The following FDX1 variants were observed in gnomAD, a reference collection of about 807,000 sequenced individuals.
The protein encoded by FDX1 is ferredoxin 1.
A neutral mutation model predicts 14.9 loss-of-function variants in FDX1; 9 were observed. The ratio of observed to expected loss-of-function variants is 0.60; its 90% CI spans 0.36 to 1.05. FDX1 has a LOEUF of 1.05. Among genes scored for constraint, FDX1 ranks in the 50% least tolerant of loss-of-function variants. The pLI, the probability that FDX1 is intolerant of heterozygous loss-of-function variation, is 0.01. For synonymous variants in FDX1, 92 were observed against 99.4 expected, an observed-to-expected ratio of 0.93 and a Z score of 0.44; for missense variants, 204 against 237.2, an observed-to-expected ratio of 0.86 and a Z score of 0.92.
At chr11:110,435,445 G>A (rs115849521) in intron 1 of FDX1, among the ~76,000 whole-genome samples, 2,866 of 152,336 alleles carry the variant, frequency 0.019, 75 homozygotes, top group African/African-American at 0.061. Flanking sequence ...CCACCAGGTG[G>A]CGTTGACCAG....
At chr11:110,460,008 A>G (rs1333976114) in intron 3 of FDX1, among the ~76,000 whole-genome samples, 3 of 152,318 alleles carry the variant, frequency 2.0e-5, no homozygotes, top group Non-Finnish European at 4.4e-5. Flanking sequence ...TTACTAAAGT[A>G]ACCGTTCCTT....
At chr11:110,447,425 G>A (rs1425452720) in intron 2 of FDX1, among the ~76,000 whole-genome samples, 1 of 152,026 alleles carries the variant, frequency 6.6e-6, no homozygotes, top group Non-Finnish European at 1.5e-5. Context: ...CTGTACTCCA[G>A]TCTGGCAGCA....
Position 110,431,813 on chromosome 11 carries a change from C to G in FDX1, c.185+1508C>G, listed in dbSNP as rs1946333939. On this transcript the variant is annotated intron_variant, in intron 1 of 3. Coordinates refer to ENST00000260270, the MANE Select transcript of FDX1 (RefSeq NM_004109.5). The stretch of plus-strand genomic sequence containing the variant: ...GTCTATTTCCTCATAATCCTGCTGC[C>G]CTCTTTATTGGCACAATTTCTATTC... Among the ~76,000 whole-genome samples, 3 of 152,086 alleles carry G rather than the reference C, an allele frequency of 2.0e-5. No individual in the cohort carries two copies. The South Asian group carries it at 6.2e-4, about 32-fold the overall frequency.
intron 1 of FDX1, 134 bp downstream of exon 1, chr11:110,430,439 C>A (rs187021002): frequency 1.9e-6 from 1 of 516,132 alleles, no homozygotes; most frequent in Non-Finnish European, 2.8e-6. Flanking sequence ...CTGCCTCTCG[C>A]CCCCCTCTTC....
At chr11:110,444,671 TATATATATATATACAC>T (rs1946429304) in intron 2 of FDX1, among the ~76,000 whole-genome samples, 3 of 73,702 alleles carry the variant, frequency 4.1e-5, no homozygotes, top group Non-Finnish European at 7.3e-5. Context: ...TATACGTATA[TATATATATATATACAC>T]GTATATATAT....
At chr11:110,440,250 A>G (rs1204864912) in intron 2 of FDX1, among the ~76,000 whole-genome samples, 1 of 151,786 alleles carries the variant, frequency 6.6e-6, no homozygotes, top group Non-Finnish European at 1.5e-5. Context: ...TCCTTTGTAT[A>G]GATTTTTGGG....
chr11:110,460,628 T>C (rs992893306), intron 3 of FDX1, among the ~76,000 whole-genome samples: 1 of 152,234 alleles, frequency 6.6e-6, no homozygotes, highest in Non-Finnish European at 1.5e-5. Flanking sequence ...TGCCACAGTC[T>C]CACATGTTAA....
chr11:110,434,717 C>CTTT (rs1210732783), intron 1 of FDX1, among the ~76,000 whole-genome samples: 20 of 100,626 alleles, frequency 2.0e-4, no homozygotes, highest in African/African-American at 7.7e-4. Context: ...TGTGTGATGA[C>CTTT]TTTTTTTGTT....
At chr11:110,457,129 C>A in intron 3 of FDX1, 82 bp downstream of exon 3, 3 of 1,238,182 alleles carry the variant, frequency 2.4e-6, no homozygotes, top group Non-Finnish European at 2.3e-6. Context: ...AAGACCAGAC[C>A]CATAAATGTA....
Position 110,430,052 on chromosome 11 carries a change from C to T in FDX1, c.-69C>T. The T allele has an allele frequency of 9.0e-7, 1 of 1,112,334 alleles. No homozygotes were observed. The highest frequency in any genetic ancestry group is 4.5e-5 in the South Asian group (1 of 22,116). 68.9% of individuals were successfully genotyped at this position (1,112,334 alleles called of 1,614,324 possible). A position where few individuals can be genotyped will look rare whatever the true frequency, so the allele number is the denominator to read the frequency against. ...GTCTGCGCCGCAGCTGCCGCCCCCG[C>T]CTCTTTGGAGTCTCTCGCGGCCTCA... On this transcript the variant is annotated 5_prime_UTR_variant, in exon 1 of 4. Transcript: ENST00000260270.
intron 2 of FDX1, among the ~76,000 whole-genome samples, chr11:110,441,731 A>G (rs1946405481): frequency 6.6e-6 from 1 of 152,236 alleles, no homozygotes; most frequent in Non-Finnish European, 1.5e-5. Flanking sequence ...ATAGAAAAGA[A>G]AACCCCATTT....
chr11:110,449,181 T>C (rs1358302787), intron 2 of FDX1, among the ~76,000 whole-genome samples: 1 of 152,238 alleles, frequency 6.6e-6, no homozygotes, highest in African/African-American at 2.4e-5. Context: ...TACATACTAC[T>C]GTTAATTTAG....
rs1206197841 is a variant in FDX1 at position 110,462,654 on chromosome 11, T to C, written c.*186T>C. On this transcript the variant is annotated 3_prime_UTR_variant, in exon 4 of 4. Transcript: ENST00000260270. Reference sequence around the variant, plus strand: ...AAGTATGCAATTTTTATTTTGGTTATATTACAAAAATGTCAATCAAATATT... The same window carrying C: ...AAGTATGCAATTTTTATTTTGGTTACATTACAAAAATGTCAATCAAATATT... The C allele has an allele frequency of 5.2e-6, 2 of 383,068 alleles. No individual in the cohort carries two copies. The highest frequency in any genetic ancestry group is 9.3e-6 in the Non-Finnish European group (2 of 215,164). The allele number at this position is 383,068 out of a possible 1,614,324, so 23.7% of individuals were successfully genotyped here. A position where few individuals can be genotyped will look rare whatever the true frequency, so the allele number is the denominator to read the frequency against.
chr11:110,444,682 A>G lies in FDX1; in HGVS notation c.310+8724A>G, dbSNP rs1253163401. Among the ~76,000 whole-genome samples the G allele has an allele frequency of 1.1e-4, 6 of 56,622 alleles. No individual in the cohort carries two copies. In the South Asian group the frequency reaches 2.0e-3, roughly 19 times the overall value. The allele number at this position is 56,622 out of a possible 152,430, so 37.1% of individuals were successfully genotyped here. ...TATATATACGTATATATATATATAT[A>G]TACACGTATATATATATATATACGT... is the stretch of plus-strand genomic sequence containing the variant. On this transcript the variant is annotated intron_variant, in intron 2 of 3. Transcript: ENST00000260270.
intron 2 of FDX1, among the ~76,000 whole-genome samples, chr11:110,445,765 A>C (rs573048749): frequency 6.6e-6 from 1 of 152,228 alleles, no homozygotes; most frequent in Non-Finnish European, 1.5e-5. Context: ...TAAAGCAGGG[A>C]TAATATTAAT....
intron 2 of FDX1, among the ~76,000 whole-genome samples, chr11:110,448,249 G>C (rs1257133717): frequency 6.6e-6 from 1 of 152,082 alleles, no homozygotes; most frequent in African/African-American, 2.4e-5. Context: ...GATTGTGTTT[G>C]TATAAGTTTA....
At chr11:110,450,277 G>T (rs990108109) in intron 2 of FDX1, among the ~76,000 whole-genome samples, 1 of 151,986 alleles carries the variant, frequency 6.6e-6, no homozygotes, top group Admixed American at 6.6e-5. Flanking sequence ...CCTGCAACTA[G>T]ATCTAGGTCC....
At chr11:110,437,302 T>G (rs935708063) in intron 2 of FDX1, among the ~76,000 whole-genome samples, 2 of 152,226 alleles carry the variant, frequency 1.3e-5, no homozygotes, top group African/African-American at 4.8e-5. Context: ...CCTTGAATAC[T>G]GAATCTAAGT....
intron 2 of FDX1, among the ~76,000 whole-genome samples, chr11:110,447,575 C>G (rs1244496255): frequency 6.6e-6 from 1 of 151,672 alleles, no homozygotes; most frequent in African/African-American, 2.4e-5. Context: ...TTGTTTTTTT[C>G]TCATTGTTCT....
Sources: gnomAD v4.1 joint callset for allele counts (sites outside exome capture counted in the v4.1 genomes callset) on GRCh38, gnomAD v4.1.1 for gene constraint, MANE v1.5 for transcripts, NCBI Gene and HGNC (gene_info 2026-07-23, HGNC 2026-07-21) for gene names.